Variants in TBC1D22B observed in about 807,000 individuals in gnomAD.
TBC1D22B encodes the protein TBC1 domain family member 22B, also known as chromosome 6 open reading frame 197.
TBC1D22B carries 32 observed loss-of-function variants against 69.1 expected under a neutral mutation model. The observed-to-expected ratio is 0.46, with a 90% CI of 0.35 to 0.62. The LOEUF is 0.62. Ranked by LOEUF, TBC1D22B falls within the 20% of genes least tolerant of loss-of-function variation. The probability of loss-of-function intolerance (pLI) is 0.00; values close to 1 mark genes in which losing one functional copy is unlikely to be tolerated. For synonymous variants in TBC1D22B, 206 were observed against 229.8 expected, an observed-to-expected ratio of 0.90 and a Z score of 0.94; for missense variants, 462 against 630.9, an observed-to-expected ratio of 0.73 and a Z score of 2.87.
chr6:37,282,391 T>C, intron 4 of TBC1D22B, 27 bp downstream of exon 4: 1 of 1,555,928 alleles, frequency 6.4e-7, no homozygotes, highest in Non-Finnish European at 8.7e-7. Context: ...CCAGGCAAGG[T>C]AGGAGCTTTG....
intron 7 of TBC1D22B, among the ~76,000 whole-genome samples, chr6:37,288,402 G>C (rs1186452536): frequency 6.6e-6 from 1 of 152,182 alleles, no homozygotes; most frequent in East Asian, 1.9e-4. Context: ...TGGAGATGAG[G>C]AAAGTAGTCA....
At chr6:37,319,662 T>G (rs574486849) in intron 12 of TBC1D22B, among the ~76,000 whole-genome samples, 1 of 152,168 alleles carries the variant, frequency 6.6e-6, no homozygotes, top group East Asian at 1.9e-4. Context: ...TGTGGAAGAG[T>G]CTCACATCTT....
intron 8 of TBC1D22B, among the ~76,000 whole-genome samples, chr6:37,310,087 G>A (rs1767856355): frequency 6.9e-6 from 1 of 144,354 alleles, no homozygotes; most frequent in Non-Finnish European, 1.5e-5. Context: ...TTAAATATAT[G>A]TGAAATATAA....
rs1423658780 is a variant in TBC1D22B at position 37,291,314 on chromosome 6, C to T, written c.939C>T (p.Asp313=). ...PASGYVQGIN[D]LVTPFFVVFL... ...GTGGGTATGTCCAGGGAATTAATGA[C>T]CTGGTCACTCCATTCTTTGTCGTCT... The change falls in exon 8 of 13, where the codon GAC becomes GAT. Residue 313 remains aspartate (D), a synonymous_variant. Coordinates refer to ENST00000373491, the MANE Select transcript of TBC1D22B (RefSeq NM_017772.4). 6.2e-7 allele frequency: 1 copy of T among 1,613,434 alleles called. No individual in the cohort carries two copies. Among genetic ancestry groups the T allele is most frequent in the South Asian group, 1.1e-5 (1 of 90,898 alleles).
rs1375372258 is a variant in TBC1D22B at position 37,313,019 on chromosome 6, AT to A, written c.1085del (p.Ile362ThrfsTer16). ...FWCMSKLLDGIQDNYTFAQPG... is the reference protein window; with the variant it reads ...FWCMSKLLDGXQDNYTFAQPG... ...GTGCATGAGCAAGCTGCTGGATGGAATCCAGGTGAGCTGCTTCTGCCCTTGT... is the reference window on the plus strand; with the variant it reads ...GTGCATGAGCAAGCTGCTGGATGGAACCAGGTGAGCTGCTTCTGCCCTTGT... On this transcript the variant is annotated frameshift_variant, in exon 9 of 13. Coordinates refer to ENST00000373491, the MANE Select transcript of TBC1D22B (RefSeq NM_017772.4). LOFTEE classifies it high-confidence loss of function. 1 of 1,613,638 alleles carries A rather than the reference AT, an allele frequency of 6.2e-7. No individual in the cohort carries two copies. Among genetic ancestry groups the A allele is most frequent in the Non-Finnish European group, 8.5e-7 (1 of 1,179,620 alleles).
At chr6:37,284,309 C>G (rs773892679) in intron 5 of TBC1D22B, 27 bp from the exon 6 acceptor site, 29 of 1,613,972 alleles carry the variant, frequency 1.8e-5, no homozygotes, top group Non-Finnish European at 2.2e-5. Context: ...TTGTCTTTCC[C>G]CATCTGACCA....
At chr6:37,290,302 G>A (rs1224482774) in intron 7 of TBC1D22B, among the ~76,000 whole-genome samples, 1 of 152,022 alleles carries the variant, frequency 6.6e-6, no homozygotes, top group Admixed American at 6.6e-5. Context: ...CATCTCTCTG[G>A]TGTGGTTCTC....
intron 1 of TBC1D22B, among the ~76,000 whole-genome samples, chr6:37,265,651 C>T (rs759702613): frequency 3.3e-5 from 5 of 151,700 alleles, no homozygotes; most frequent in Non-Finnish European, 7.4e-5. Flanking sequence ...ACCCTTTAAA[C>T]ACATCAATTA....
intron 1 of TBC1D22B, among the ~76,000 whole-genome samples, chr6:37,265,198 G>C (rs111603558): frequency 6.6e-6 from 1 of 152,316 alleles, no homozygotes; most frequent in Admixed American, 6.5e-5. Flanking sequence ...TCCTGGCTAT[G>C]CCAGCACCTT....
At chr6:37,330,334 G>T (rs1562072510) in intron 12 of TBC1D22B, among the ~76,000 whole-genome samples, 1 of 141,818 alleles carries the variant, frequency 7.1e-6, no homozygotes, top group Non-Finnish European at 1.5e-5. Flanking sequence ...CGCCTCCCAG[G>T]TTCAAATGAT....
chr6:37,263,138 T>C (rs1766163042), intron 1 of TBC1D22B, among the ~76,000 whole-genome samples: 1 of 152,240 alleles, frequency 6.6e-6, no homozygotes, highest in South Asian at 2.1e-4. Context: ...TGCCTGCTGG[T>C]ATGTGTCATG....
At chr6:37,277,660 G>A (rs1415224632) in intron 2 of TBC1D22B, among the ~76,000 whole-genome samples, 1 of 151,618 alleles carries the variant, frequency 6.6e-6, no homozygotes, top group Non-Finnish European at 1.5e-5. Flanking sequence ...TAGAGATGGG[G>A]TTTCACCATG....
chr6:37,275,953 C>CTTTTCTTT (rs1015125782), intron 2 of TBC1D22B, among the ~76,000 whole-genome samples: 1 of 145,410 alleles, frequency 6.9e-6, no homozygotes, highest in African/African-American at 2.7e-5. Flanking sequence ...CTGTTTCATT[C>CTTTTCTTT]TTTTCTTTTT....
chr6:37,295,944 G>A (rs896036731), intron 8 of TBC1D22B, among the ~76,000 whole-genome samples: 4 of 152,172 alleles, frequency 2.6e-5, no homozygotes, highest in Non-Finnish European at 5.9e-5. Flanking sequence ...CTTCATTACT[G>A]TCTTGTTTAA....
In TBC1D22B at chr6:37,331,564, C is replaced by G. The variant is rs1381061033; in HGVS notation, c.*392C>G. The G allele has an allele frequency of 1.3e-5, 2 of 155,986 alleles. No homozygotes were observed. The highest frequency in any genetic ancestry group is 1.3e-4 in the Admixed American group (2 of 15,466). 9.7% of individuals were successfully genotyped at this position (155,986 alleles called of 1,614,324 possible). On this transcript the variant is annotated 3_prime_UTR_variant, in exon 13 of 13. Transcript: ENST00000373491. Reference sequence around the variant, plus strand: ...AACATAGTTTGATTTGATCACAGGTCAAAAACGCCTTATATTTTCGAAAGA... The same window carrying G: ...AACATAGTTTGATTTGATCACAGGTGAAAAACGCCTTATATTTTCGAAAGA...
intron 8 of TBC1D22B, among the ~76,000 whole-genome samples, chr6:37,307,475 C>CCT (rs529339794): frequency 1.4e-3 from 220 of 151,904 alleles, no homozygotes; most frequent in African/African-American, 5.0e-3. Context: ...CCTGCCTCAG[C>CCT]CTCCTGAGTA....
intron 7 of TBC1D22B, among the ~76,000 whole-genome samples, chr6:37,289,063 T>C (rs1287403907): frequency 1.3e-5 from 2 of 151,958 alleles, no homozygotes; most frequent in Non-Finnish European, 2.9e-5. Flanking sequence ...TAATTTTTTT[T>C]CTCATAATTT....
rs781102348 is a variant in TBC1D22B, at chr6:37,257,875, C to A, written c.-43C>A. On this transcript the variant is annotated 5_prime_UTR_variant, in exon 1 of 13. Coordinates refer to ENST00000373491, the MANE Select transcript of TBC1D22B (RefSeq NM_017772.4). ...CGGGGTCTGGGGGCATCTCGCCGGG[C>A]AAACCCTTGGCCCGCCTACAAGGAC... The A allele has an allele frequency of 6.2e-7, 1 of 1,603,848 alleles. No homozygotes were observed. Among genetic ancestry groups the A allele is most frequent in the East Asian group, 2.2e-5 (1 of 44,534 alleles).
intron 12 of TBC1D22B, among the ~76,000 whole-genome samples, chr6:37,325,690 C>T (rs1768374213): frequency 6.6e-6 from 1 of 152,108 alleles, no homozygotes; most frequent in East Asian, 1.9e-4. Flanking sequence ...GCTGGGACTA[C>T]AGGGGCACGC....
Sources: allele counts gnomAD v4.1 joint callset (sites outside exome capture counted in the v4.1 genomes callset), GRCh38; gene constraint gnomAD v4.1.1; transcripts MANE v1.5; gene names NCBI Gene and HGNC (gene_info 2026-07-23, HGNC 2026-07-21).